The following UBE3D variants were observed in gnomAD, a reference collection of about 807,000 sequenced individuals.
UBE3D encodes the protein E3 ubiquitin-protein ligase E3D.
In UBE3D, 48 loss-of-function variants were observed where a neutral mutation model predicts 49.6. The observed-to-expected ratio is 0.97, with a 90% confidence interval of 0.77 to 1.23. The LOEUF is 1.23. UBE3D is among the 50% of genes most tolerant of loss of function. UBE3D has a pLI of 0.00. For missense variants in UBE3D, 452 were observed against 468.4 expected (o/e 0.96, Z 0.32); for synonymous variants, 189 against 174.2 (o/e 1.08, Z -0.67).
intron 8 of UBE3D, among the ~76,000 whole-genome samples, chr6:82,980,466 T>C (rs1424672951): frequency 6.6e-6 from 1 of 152,130 alleles, no homozygotes; most frequent in Non-Finnish European, 1.5e-5. Flanking sequence ...TCTTGTAAAT[T>C]CTGGATATTA....
At chr6:83,024,098 AAGTTGACTCC>A in intron 5 of UBE3D, 60 bp from the exon 6 acceptor site, 2 of 870,698 alleles carry the variant, frequency 2.3e-6, no homozygotes, top group East Asian at 5.4e-5. Flanking sequence ...TATTGTGGGC[AAGTTGACTCC>A]AAATTAGGAT....
At chr6:82,907,861 C>T (rs923922326) in intron 9 of UBE3D, among the ~76,000 whole-genome samples, 2 of 152,078 alleles carry the variant, frequency 1.3e-5, no homozygotes, top group African/African-American at 2.4e-5. Flanking sequence ...GAGATGAAAA[C>T]AGGTCCACAA....
intron 8 of UBE3D, among the ~76,000 whole-genome samples, chr6:83,009,940 C>T (rs1780228614): frequency 1.3e-5 from 2 of 150,876 alleles, no homozygotes; most frequent in Admixed American, 1.3e-4. Flanking sequence ...AGATACAAAA[C>T]ATTCATGGCC....
chr6:83,000,254 T>C (rs1054199935), intron 8 of UBE3D, among the ~76,000 whole-genome samples: 5 of 152,196 alleles, frequency 3.3e-5, no homozygotes, highest in African/African-American at 1.2e-4. Context: ...GTCTATATAT[T>C]AACATTCTAT....
At chr6:82,916,033 G>T (rs886831397) in intron 9 of UBE3D, among the ~76,000 whole-genome samples, 1 of 152,068 alleles carries the variant, frequency 6.6e-6, no homozygotes, top group African/African-American at 2.4e-5. Context: ...ATAGTCATAG[G>T]GACAAAAGTC....
At chr6:83,037,304 A>C (rs1782331801) in intron 5 of UBE3D, 1 of 152,206 alleles carries the variant, frequency 6.6e-6, no homozygotes. Context: ...GTTTGTTTAC[A>C]TCTCTTGTTT....
chr6:82,997,345 A>G (rs986288672), intron 8 of UBE3D, among the ~76,000 whole-genome samples: 7 of 152,214 alleles, frequency 4.6e-5, no homozygotes, highest in African/African-American at 1.4e-4. Flanking sequence ...AGATACATCT[A>G]TATGTACTGA....
At chr6:83,008,296 T>C (rs1227821742) in intron 8 of UBE3D, among the ~76,000 whole-genome samples, 1 of 152,170 alleles carries the variant, frequency 6.6e-6, no homozygotes, top group Admixed American at 6.6e-5. Flanking sequence ...AGGCCACAGG[T>C]GAACTGATGA....
intron 1 of UBE3D, among the ~76,000 whole-genome samples, chr6:83,061,428 TAGG>T (rs1184955000): frequency 1.3e-5 from 2 of 152,258 alleles, no homozygotes; most frequent in Admixed American, 1.3e-4. Context: ...GATGGTTCTT[TAGG>T]AGAATTCCTA....
At chr6:82,896,830 C>T (rs929241151) in intron 9 of UBE3D, among the ~76,000 whole-genome samples, 12 of 151,908 alleles carry the variant, frequency 7.9e-5, no homozygotes, top group African/African-American at 2.4e-4. Context: ...CAACCTCTGC[C>T]TCCCGGGTTC....
intron 9 of UBE3D, among the ~76,000 whole-genome samples, chr6:82,923,629 T>C (rs185728534): frequency 6.6e-6 from 1 of 152,136 alleles, no homozygotes; most frequent in Non-Finnish European, 1.5e-5. Flanking sequence ...ACGGGTTGAT[T>C]GGTGTAGCAA....
intron 9 of UBE3D, among the ~76,000 whole-genome samples, chr6:82,919,128 G>C (rs759816150): frequency 9.9e-5 from 15 of 152,022 alleles, no homozygotes; most frequent in Non-Finnish European, 2.1e-4. Context: ...AAAAAGACCT[G>C]GTGTTTTGAA....
At chr6:83,003,044 C>A (rs1779738587) in intron 8 of UBE3D, among the ~76,000 whole-genome samples, 1 of 151,994 alleles carries the variant, frequency 6.6e-6, no homozygotes, top group African/African-American at 2.4e-5. Flanking sequence ...TCTCCTGCTT[C>A]AAAATCACTT....
chr6:83,064,595 TG>T, intron 1 of UBE3D, among the ~76,000 whole-genome samples: 1 of 151,984 alleles, frequency 6.6e-6, no homozygotes, highest in Non-Finnish European at 1.5e-5. Flanking sequence ...GAGGGTTTGT[TG>T]TGTGTGTGTG....
intron 9 of UBE3D, among the ~76,000 whole-genome samples, chr6:82,932,126 G>T (rs1267630234): frequency 6.6e-6 from 1 of 151,990 alleles, no homozygotes; most frequent in East Asian, 1.9e-4. Flanking sequence ...GTTTCCTGAG[G>T]CCTCCTAAGT....
intron 6 of UBE3D, among the ~76,000 whole-genome samples, chr6:83,023,343 C>CA (rs1252031712): frequency 3.3e-5 from 5 of 152,176 alleles, no homozygotes; most frequent in Non-Finnish European, 5.9e-5. Context: ...TATAAGAGCA[C>CA]ATTTGTCTAC....
intron 8 of UBE3D, among the ~76,000 whole-genome samples, chr6:82,961,392 T>G (rs1394955881): frequency 6.6e-6 from 1 of 152,196 alleles, no homozygotes; most frequent in East Asian, 1.9e-4. Context: ...TAGTTATATT[T>G]GTTGTCTCTA....
chr6:82,947,398 AACAG>A (rs1165963145), intron 9 of UBE3D, among the ~76,000 whole-genome samples: 9 of 152,218 alleles, frequency 5.9e-5, no homozygotes, highest in African/African-American at 1.9e-4. Flanking sequence ...CTAGACAGAA[AACAG>A]ACAAAGAAAC....
chr6:83,022,419 A>T lies in UBE3D; in HGVS notation c.846+34T>A, dbSNP rs754235481. The stretch of plus-strand genomic sequence containing the variant: ...AAGAATTCTGAGACCTTGGATTCCT[A>T]GGCTACAAAAAGCTGGATAAAATAA... On this transcript the variant is annotated intron_variant, in intron 7 of 9. Transcript: ENST00000369747. The T allele has an allele frequency of 5.8e-6, 8 of 1,390,542 alleles. No individual in the cohort carries two copies. In the Admixed American group the frequency reaches 1.9e-4, roughly 33 times the overall value. The allele number at this position is 1,390,542 out of a possible 1,614,324, so 86.1% of individuals were successfully genotyped here. A position where few individuals can be genotyped will look rare whatever the true frequency, so the allele number is the denominator to read the frequency against.
Sources: allele counts gnomAD v4.1 joint callset (sites outside exome capture counted in the v4.1 genomes callset), GRCh38; gene constraint gnomAD v4.1.1; transcripts MANE v1.5; gene names NCBI Gene and HGNC (gene_info 2026-07-23, HGNC 2026-07-21).